The following TENM3 variants were observed in gnomAD, a reference collection of about 807,000 sequenced individuals.
TENM3 encodes the protein teneurin transmembrane protein 3.
In TENM3, 63 loss-of-function variants were observed where a neutral mutation model predicts 255.1. That is an observed-to-expected ratio of 0.25 (90% CI 0.20 to 0.30). The LOEUF (loss-of-function observed/expected upper bound fraction) is 0.30, where lower values mean the gene tolerates loss of function less well. Among genes scored for constraint, TENM3 ranks in the 10% least tolerant of loss-of-function variants. The probability of loss-of-function intolerance (pLI) is 1.00; values close to 1 mark genes in which losing one functional copy is unlikely to be tolerated. For synonymous variants in TENM3, 1,306 were observed against 1,322.3 expected, an observed-to-expected ratio of 0.99 and a Z score of 0.27; for missense variants, 2,929 against 3,461.1, an observed-to-expected ratio of 0.85 and a Z score of 3.86.
chr4:181,785,078 A>G, the TENM3 span, among the ~76,000 whole-genome samples: 4 of 152,162 alleles, frequency 2.6e-5, no homozygotes, highest in African/African-American at 4.8e-5. Context: ...GACAAGAGCT[A>G]AGAGGATTTA....
chr4:181,997,326 G>A, the TENM3 span, among the ~76,000 whole-genome samples: 1 of 152,136 alleles, frequency 6.6e-6, no homozygotes, highest in Non-Finnish European at 1.5e-5. Context: ...GCGCACGTGT[G>A]ATACCTTTCA....
intron 13 of TENM3, among the ~76,000 whole-genome samples, chr4:182,724,339 A>G (rs960373635): frequency 3.9e-5 from 6 of 152,244 alleles, no homozygotes; most frequent in Non-Finnish European, 8.8e-5. Flanking sequence ...CTTAGTTAAT[A>G]CTACATAACC....
the TENM3 span, among the ~76,000 whole-genome samples, chr4:182,122,756 A>G: frequency 6.6e-6 from 1 of 152,326 alleles, no homozygotes; most frequent in Admixed American, 6.5e-5. Context: ...TACATTAGCT[A>G]GTTAAAAGAG....
At chr4:181,977,563 A>G in the TENM3 span, among the ~76,000 whole-genome samples, 1 of 152,162 alleles carries the variant, frequency 6.6e-6, no homozygotes, top group Non-Finnish European at 1.5e-5. Context: ...TAAATAAGAA[A>G]TGAAGTTTTG....
At chr4:182,186,039 T>TTA (rs71857031) in intron 1 of TENM3, among the ~76,000 whole-genome samples, 15,433 of 152,060 alleles carry the variant, frequency 0.1, 1,065 homozygotes, top group Admixed American at 0.21. Context: ...TAGGCTTCCT[T>TTA]TATATATATA....
intron 13 of TENM3, among the ~76,000 whole-genome samples, chr4:182,728,539 G>C (rs1432732558): frequency 2.6e-5 from 4 of 152,162 alleles, no homozygotes; most frequent in African/African-American, 9.7e-5. Flanking sequence ...GATATGTTCT[G>C]AGATAGTTGC....
At chr4:181,895,023 A>G in the TENM3 span, among the ~76,000 whole-genome samples, 1 of 151,998 alleles carries the variant, frequency 6.6e-6, no homozygotes, top group Non-Finnish European at 1.5e-5. Context: ...AATCCGCCAT[A>G]GTTATTTATT....
chr4:181,831,968 T>TTGTGTGTGTGTGTG, the TENM3 span, among the ~76,000 whole-genome samples: 747 of 132,692 alleles, frequency 5.6e-3, 11 homozygotes, highest in South Asian at 0.014. Context: ...ATATATTACA[T>TTGTGTGTGTGTGTG]TGTGTGTGTG....
At chr4:181,947,929 C>T in the TENM3 span, among the ~76,000 whole-genome samples, 6 of 152,090 alleles carry the variant, frequency 3.9e-5, no homozygotes, top group Admixed American at 2.0e-4. Flanking sequence ...TCAAACAAAC[C>T]GGCCGGCTTT....
the TENM3 span, among the ~76,000 whole-genome samples, chr4:181,851,899 AAT>A: frequency 6.6e-6 from 1 of 152,118 alleles, no homozygotes. Flanking sequence ...CCCCTTGACA[AAT>A]ATCTTCTACA....
chr4:182,373,288 T>C (rs1381192531), intron 3 of TENM3, among the ~76,000 whole-genome samples: 3 of 152,204 alleles, frequency 2.0e-5, no homozygotes, highest in Non-Finnish European at 4.4e-5. Flanking sequence ...CCTATCTTCC[T>C]AGACAAGTTT....
the TENM3 span, among the ~76,000 whole-genome samples, chr4:181,545,956 A>G: frequency 2.0e-5 from 3 of 152,154 alleles, no homozygotes; most frequent in East Asian, 5.8e-4. Context: ...AAGTGCACAT[A>G]TATGCAAGGA....
At chr4:182,387,048 T>C (rs1181291675) in intron 3 of TENM3, among the ~76,000 whole-genome samples, 1 of 152,196 alleles carries the variant, frequency 6.6e-6, no homozygotes, top group East Asian at 1.9e-4. Flanking sequence ...TCTTTATATC[T>C]AGCTCAGGGA....
the TENM3 span, among the ~76,000 whole-genome samples, chr4:181,697,614 G>C: frequency 6.6e-6 from 1 of 151,888 alleles, no homozygotes; most frequent in Non-Finnish European, 1.5e-5. Flanking sequence ...GGATGGTCTC[G>C]ATCTCCTGAC....
the TENM3 span, among the ~76,000 whole-genome samples, chr4:181,737,219 T>C: frequency 2.0e-5 from 3 of 152,156 alleles, no homozygotes; most frequent in Admixed American, 6.5e-5. Flanking sequence ...ACTTCCACTT[T>C]AGCGAACTTT....
At chr4:182,155,240 C>T (rs1019942075) in intron 1 of TENM3, among the ~76,000 whole-genome samples, 1 of 152,018 alleles carries the variant, frequency 6.6e-6, no homozygotes, top group African/African-American at 2.4e-5. Context: ...TCTGAGGCTA[C>T]AAGCTTCTAA....
intron 3 of TENM3, among the ~76,000 whole-genome samples, chr4:182,568,403 C>G (rs899875214): frequency 2.0e-5 from 3 of 152,198 alleles, no homozygotes; most frequent in African/African-American, 7.2e-5. Flanking sequence ...AGGGGCAAGG[C>G]TGCCTTTTCT....
the TENM3 span, among the ~76,000 whole-genome samples, chr4:181,740,061 A>T: frequency 6.6e-6 from 1 of 152,148 alleles, no homozygotes; most frequent in African/African-American, 2.4e-5. Flanking sequence ...CCCCAGCCTC[A>T]ACCAAAGCAC....
chr4:182,347,423 G>GTGAT (rs1764899514), intron 3 of TENM3, among the ~76,000 whole-genome samples: 1 of 152,168 alleles, frequency 6.6e-6, no homozygotes, highest in African/African-American at 2.4e-5. Flanking sequence ...CAGGGCTCTA[G>GTGAT]TGATTGAAGA....
Sources: gnomAD v4.1 joint callset for allele counts (sites outside exome capture counted in the v4.1 genomes callset) on GRCh38, gnomAD v4.1.1 for gene constraint, MANE v1.5 for transcripts, NCBI Gene and HGNC (gene_info 2026-07-23, HGNC 2026-07-21) for gene names.